The following KSR2 variants were observed in gnomAD, a reference collection of about 807,000 sequenced individuals.
The protein encoded by KSR2 is kinase suppressor of ras 2.
A neutral mutation model predicts 107.8 loss-of-function variants in KSR2; 25 were observed. That is an observed-to-expected ratio of 0.23 (90% CI 0.17 to 0.32). The LOEUF (loss-of-function observed/expected upper bound fraction) is 0.32, where lower values mean the gene tolerates loss of function less well. Among genes scored for constraint, KSR2 ranks in the 10% least tolerant of loss-of-function variants. The pLI, the probability that KSR2 is intolerant of heterozygous loss-of-function variation, is 1.00. For missense variants in KSR2, 887 were observed against 1,268.9 expected (o/e 0.70, Z 4.57); for synonymous variants, 480 against 507.0 (o/e 0.95, Z 0.71).
At chr12:117,908,721 C>CA (rs1163433856) in intron 1 of KSR2, among the ~76,000 whole-genome samples, 1 of 152,226 alleles carries the variant, frequency 6.6e-6, no homozygotes. Flanking sequence ...CAAACAAAGG[C>CA]AAAACGCATC....
chr12:117,570,742 A>G (rs1289395874), intron 7 of KSR2, among the ~76,000 whole-genome samples: 1 of 152,170 alleles, frequency 6.6e-6, no homozygotes, highest in Non-Finnish European at 1.5e-5. Context: ...AACATATCTC[A>G]TCACATGGAA....
At chr12:117,706,416 G>C (rs930116184) in intron 4 of KSR2, among the ~76,000 whole-genome samples, 1 of 152,112 alleles carries the variant, frequency 6.6e-6, no homozygotes, top group Non-Finnish European at 1.5e-5. Flanking sequence ...GCCTCAAAGA[G>C]GTGAAATCAC....
rs565502276 is a variant in KSR2, at chr12:117,794,687, A to G, written c.473-33163T>C. On this transcript the variant is annotated intron_variant, in intron 3 of 19. Transcript: ENST00000339824. The stretch of plus-strand genomic sequence containing the variant: ...CCAATATGCACACACTCATACCAAC[A>G]GGCACACACACACCAACATGCACAC... Among the ~76,000 whole-genome samples the G allele has an allele frequency of 7.4e-4, 113 of 152,016 alleles. No individual in the cohort carries two copies. The South Asian group carries it at 0.012, about 16-fold the overall frequency.
At chr12:117,934,433 C>A (rs1204169840) in intron 1 of KSR2, among the ~76,000 whole-genome samples, 1 of 152,160 alleles carries the variant, frequency 6.6e-6, no homozygotes, top group African/African-American at 2.4e-5. Context: ...TGTGGCACTT[C>A]CAGTGGCCAT....
chr12:117,791,763 C>G (rs1395373944), intron 3 of KSR2, among the ~76,000 whole-genome samples: 1 of 152,136 alleles, frequency 6.6e-6, no homozygotes, highest in Admixed American at 6.5e-5. Flanking sequence ...GAGGCATCAG[C>G]GATCAAAAAC....
chr12:117,861,376 C>A (rs1487263458), intron 1 of KSR2, among the ~76,000 whole-genome samples: 2 of 128,132 alleles, frequency 1.6e-5, no homozygotes, highest in African/African-American at 6.1e-5. Flanking sequence ...ACTCCCAATT[C>A]GCTTTTTTTT....
intron 5 of KSR2, among the ~76,000 whole-genome samples, chr12:117,616,161 G>GAAAAAA (rs10632275): frequency 8.8e-6 from 1 of 114,208 alleles, no homozygotes; most frequent in Non-Finnish European, 2.0e-5. Context: ...ACCCTGTCTC[G>GAAAAAA]AAAAAAAAAA....
intron 4 of KSR2, among the ~76,000 whole-genome samples, chr12:117,760,767 C>T (rs979347089): frequency 1.3e-5 from 2 of 152,086 alleles, no homozygotes; most frequent in African/African-American, 4.8e-5. Flanking sequence ...AAAATCAGGC[C>T]GGGTATCAGA....
chr12:117,913,041 C>T (rs1480391662), intron 1 of KSR2, among the ~76,000 whole-genome samples: 2 of 152,158 alleles, frequency 1.3e-5, no homozygotes, highest in Non-Finnish European at 2.9e-5. Flanking sequence ...AGGCCCTACC[C>T]GGGGCAGGAA....
intron 4 of KSR2, among the ~76,000 whole-genome samples, chr12:117,741,520 A>C (rs978873809): frequency 1.3e-5 from 2 of 152,144 alleles, no homozygotes; most frequent in African/African-American, 4.8e-5. Context: ...GCAAGACCCT[A>C]TCTTTTAAAA....
chr12:117,618,780 C>A (rs1882016577), intron 5 of KSR2, among the ~76,000 whole-genome samples: 1 of 152,112 alleles, frequency 6.6e-6, no homozygotes, highest in African/African-American at 2.4e-5. Flanking sequence ...TGTGAGGCCT[C>A]CCCAGCCACA....
At position 117,968,374 on chromosome 12, in the gene KSR2, T is replaced by C. The variant is rs1896862724; in HGVS notation, c.-119A>G. ...ACTGCGACTTCTCAACAATGTCTCATGAAGAAGAAATCCAACATCTCACAC... is the reference window on the plus strand; with the variant it reads ...ACTGCGACTTCTCAACAATGTCTCACGAAGAAGAAATCCAACATCTCACAC... On this transcript the variant is annotated 5_prime_UTR_variant, in exon 1 of 20. The change abolishes an upstream ATG in the 5' untranslated region. Coordinates refer to ENST00000339824, the MANE Select transcript of KSR2 (RefSeq NM_173598.6). 1 of 1,384,850 alleles carries C rather than the reference T, an allele frequency of 7.2e-7. No homozygotes were observed. Among genetic ancestry groups the C allele is most frequent in the Non-Finnish European group, 9.3e-7 (1 of 1,076,698 alleles). 85.8% of individuals were successfully genotyped at this position (1,384,850 alleles called of 1,614,324 possible).
chr12:117,730,253 T>C (rs772040765), intron 4 of KSR2, among the ~76,000 whole-genome samples: 6 of 152,208 alleles, frequency 3.9e-5, no homozygotes, highest in Admixed American at 3.9e-4. Flanking sequence ...CAGCAAGTTA[T>C]GTAATCCTCC....
In KSR2 at chr12:117,724,145, A is replaced by T. The variant is rs762146094; in HGVS notation, c.986+36866T>A. 9.9e-5 allele frequency among the ~76,000 whole-genome samples: 15 copies of T among 152,094 alleles called. No homozygotes were observed. The South Asian group carries it at 2.5e-3, about 25-fold the overall frequency. On this transcript the variant is annotated intron_variant, in intron 4 of 19. Coordinates refer to ENST00000339824, the MANE Select transcript of KSR2 (RefSeq NM_173598.6). Reference sequence around the variant, plus strand: ...AACATGGTGAAACCCCGTCTCTACCAAACAATACAAAAATTAGCCAGGCAT... The same window carrying T: ...AACATGGTGAAACCCCGTCTCTACCTAACAATACAAAAATTAGCCAGGCAT...
intron 10 of KSR2, among the ~76,000 whole-genome samples, chr12:117,533,282 A>G (rs1473709022): frequency 6.6e-6 from 1 of 152,236 alleles, no homozygotes; most frequent in Non-Finnish European, 1.5e-5. Flanking sequence ...GTTGAAATGT[A>G]TTGATAGTTT....
chr12:117,947,192 AAAGAAAAGAAAGAAAAGAAAGAAAG>A (rs1896210455), intron 1 of KSR2, among the ~76,000 whole-genome samples: 10 of 94,822 alleles, frequency 1.1e-4, no homozygotes, highest in African/African-American at 4.0e-4. Flanking sequence ...GAAAGAAAAG[AAAGAAAAGAAAGAAAAGAAAGAAAG>A]AAAGAAAGAA....
At chr12:117,718,807 C>T (rs1887099104) in intron 4 of KSR2, among the ~76,000 whole-genome samples, 1 of 152,214 alleles carries the variant, frequency 6.6e-6, no homozygotes, top group Admixed American at 6.5e-5. Context: ...CCAGCTCTGG[C>T]AAGGCATGGC....
At chr12:117,621,436 C>A (rs1882189883) in intron 5 of KSR2, among the ~76,000 whole-genome samples, 1 of 152,220 alleles carries the variant, frequency 6.6e-6, no homozygotes, top group African/African-American at 2.4e-5. Flanking sequence ...CCACGACTTA[C>A]TAGCTGCATT....
chr12:117,672,687 C>T (rs978466382), intron 4 of KSR2, among the ~76,000 whole-genome samples: 9 of 151,790 alleles, frequency 5.9e-5, no homozygotes, highest in Admixed American at 4.6e-4. Context: ...TGCAGTGGTA[C>T]GATCTCGGCC....
Sources: allele counts gnomAD v4.1 joint callset (sites outside exome capture counted in the v4.1 genomes callset), GRCh38; gene constraint gnomAD v4.1.1; transcripts MANE v1.5; gene names NCBI Gene and HGNC (gene_info 2026-07-23, HGNC 2026-07-21).